MEAF6: variants seen among roughly 807,000 people sequenced by gnomAD.
MEAF6 encodes chromatin modification-related protein MEAF6.
Under a neutral mutation model 28.9 loss-of-function variants are expected in MEAF6, and 15 were observed. The observed-to-expected ratio is 0.52, with a 90% CI of 0.35 to 0.80. The LOEUF (loss-of-function observed/expected upper bound fraction) is 0.80. MEAF6 is among the 30% of genes least tolerant of loss of function. The probability of loss-of-function intolerance (pLI) is 0.01; values close to 1 mark genes in which losing one functional copy is unlikely to be tolerated. For missense variants in MEAF6, 178 were observed against 237.5 expected (o/e 0.75, Z 1.65); for synonymous variants, 97 against 88.7 (o/e 1.09, Z -0.53).
Position 37,490,958 on chromosome 1 carries a change from C to T in MEAF6, c.*3141G>A, listed in dbSNP as rs1048417675. ...GGAATAATTGCTTGAACCCTGGAGG[C>T]GGAGGTAGCAGTGAGCCAAGATTGT... On this transcript the variant is annotated 3_prime_UTR_variant, in exon 7 of 7. Coordinates refer to ENST00000296214, the MANE Select transcript of MEAF6 (RefSeq NM_001270875.3). 3.3e-5 allele frequency among the ~76,000 whole-genome samples: 5 copies of T among 152,042 alleles called. No homozygotes were observed. Among genetic ancestry groups the T allele is most frequent in the Admixed American group, 2.0e-4 (3 of 15,256 alleles).
At chr1:37,494,380 T>G (rs1642042277) in intron 6 of MEAF6, among the ~76,000 whole-genome samples, 1 of 151,212 alleles carries the variant, frequency 6.6e-6, no homozygotes, top group Non-Finnish European at 1.5e-5. Context: ...CCAGACATGG[T>G]GGTGGGCACC....
chr1:37,512,034 A>C (rs1569991100), intron 2 of MEAF6, among the ~76,000 whole-genome samples: 2 of 152,366 alleles, frequency 1.3e-5, no homozygotes, highest in Admixed American at 1.3e-4. Flanking sequence ...ATTTAGGTGC[A>C]AAGTGTCATT....
In MEAF6 at chr1:37,500,271, G is replaced by A. The variant is rs186883609; in HGVS notation, c.533+1533C>T. Reference sequence around the variant, plus strand: ...GATCGTGCCACTGCACTCCAGCCTGGGTGACAGAGCAAGACTGTCTGAAAA... The same window carrying A: ...GATCGTGCCACTGCACTCCAGCCTGAGTGACAGAGCAAGACTGTCTGAAAA... On this transcript the variant is annotated intron_variant, in intron 5 of 6. Transcript: ENST00000296214. 5.2e-3 allele frequency among the ~76,000 whole-genome samples: 711 copies of A among 137,632 alleles called. 4 individuals are homozygous for A. The highest frequency in any genetic ancestry group is 0.017 in the African/African-American group (665 of 39,086). The allele number at this position is 137,632 out of a possible 152,430, so 90.3% of individuals were successfully genotyped here.
chr1:37,508,492 T>C (rs1258896652), intron 4 of MEAF6, among the ~76,000 whole-genome samples: 1 of 152,050 alleles, frequency 6.6e-6, no homozygotes, highest in Non-Finnish European at 1.5e-5. Flanking sequence ...TTGACTAGGC[T>C]GGTCTTGAAC....
At chr1:37,502,079 T>TAG in intron 4 of MEAF6, 83 bp from the exon 5 acceptor site, 2 of 1,201,474 alleles carry the variant, frequency 1.7e-6, no homozygotes, top group Non-Finnish European at 1.1e-6. Flanking sequence ...CACTAATAGG[T>TAG]AGAAAAAAAC....
At chr1:37,500,387 T>A (rs1018902991) in intron 5 of MEAF6, among the ~76,000 whole-genome samples, 19 of 152,288 alleles carry the variant, frequency 1.2e-4, no homozygotes, top group Admixed American at 7.2e-4. Context: ...ATTAAAAAAA[T>A]TTTTAAGAAT....
chr1:37,507,570 A>C (rs996173199), intron 4 of MEAF6, among the ~76,000 whole-genome samples: 1 of 152,198 alleles, frequency 6.6e-6, no homozygotes, highest in Non-Finnish European at 1.5e-5. Context: ...GTTCTGAATA[A>C]GGGAGAAGTG....
intron 5 of MEAF6, among the ~76,000 whole-genome samples, chr1:37,498,413 TTATTA>T (rs1557605381): frequency 4.2e-5 from 2 of 47,558 alleles, no homozygotes; most frequent in Admixed American, 1.6e-4. Context: ...TTATTTTTTA[TTATTA>T]TTATTATTAT....
At chr1:37,505,820 A>C (rs1281921938) in intron 4 of MEAF6, among the ~76,000 whole-genome samples, 2 of 152,248 alleles carry the variant, frequency 1.3e-5, no homozygotes, top group African/African-American at 4.8e-5. Context: ...AAGGGTGACA[A>C]GACAATTCAA....
intron 6 of MEAF6, among the ~76,000 whole-genome samples, chr1:37,495,058 G>C (rs1642070809): frequency 6.6e-6 from 1 of 151,938 alleles, no homozygotes; most frequent in Non-Finnish European, 1.5e-5. Context: ...TGACCGGCCG[G>C]GTGCGGTGGC....
chr1:37,513,146 T>C (rs1419180673), intron 2 of MEAF6, among the ~76,000 whole-genome samples: 1 of 152,100 alleles, frequency 6.6e-6, no homozygotes, highest in African/African-American at 2.4e-5. Flanking sequence ...CTGATTAAAA[T>C]GTGTAAAAAA....
intron 2 of MEAF6, among the ~76,000 whole-genome samples, chr1:37,511,746 G>A (rs1001432286): frequency 8.5e-5 from 13 of 152,082 alleles, no homozygotes; most frequent in East Asian, 3.8e-4. Flanking sequence ...AAAATCTCAG[G>A]AAACTGCAAC....
At position 37,509,468 on chromosome 1, in the gene MEAF6, A is replaced by AC; in HGVS notation, c.280dup (p.Val94GlyfsTer19). The stretch of plus-strand genomic sequence containing the variant: ...ACCACTACTTACAGCTGCTGAGGTA[A>AC]CCGAGGATTTACTGAAGAGCCGCTC... On this transcript the variant is annotated frameshift_variant, in exon 3 of 7. Coordinates refer to ENST00000296214, the MANE Select transcript of MEAF6 (RefSeq NM_001270875.3). LOFTEE classifies it high-confidence loss of function. 6.2e-7 allele frequency: 1 copy of AC among 1,614,060 alleles called. No individual in the cohort carries two copies. Among genetic ancestry groups the AC allele is most frequent in the Non-Finnish European group, 8.5e-7 (1 of 1,179,980 alleles).
Position 37,509,611 on chromosome 1 carries a change from G to A in MEAF6, c.207-69C>T, listed in dbSNP as rs1642598388. The A allele has an allele frequency of 5.1e-6, 7 of 1,367,914 alleles. No homozygotes were observed. The Admixed American group carries it at 1.3e-4, about 26-fold the overall frequency. The allele number at this position is 1,367,914 out of a possible 1,614,324, so 84.7% of individuals were successfully genotyped here. ...ATGGCTCAAGCTGGGGATGCCCCAG[G>A]ACTCATGTTCCATGCAGGAAGCTTC... On this transcript the variant is annotated intron_variant, in intron 2 of 6. Coordinates refer to ENST00000296214, the MANE Select transcript of MEAF6 (RefSeq NM_001270875.3).
At chr1:37,500,926 C>G (rs1642280561) in intron 5 of MEAF6, 1 of 154,094 alleles carries the variant, frequency 6.5e-6, no homozygotes, top group African/African-American at 2.4e-5. Context: ...GAACTCTTAC[C>G]CTGGCTTCGG....
chr1:37,508,777 G>A (rs919300052), intron 4 of MEAF6, among the ~76,000 whole-genome samples: 5 of 152,156 alleles, frequency 3.3e-5, no homozygotes, highest in Admixed American at 1.3e-4. Flanking sequence ...GGCAAGAAGA[G>A]TACAGTAATT....
chr1:37,498,395 T>C (rs933806927), intron 5 of MEAF6, among the ~76,000 whole-genome samples: 1 of 147,208 alleles, frequency 6.8e-6, no homozygotes, highest in Non-Finnish European at 1.5e-5. Context: ...CTTATAAGAG[T>C]AGCTATGTTA....
In MEAF6 at chr1:37,492,249, C is replaced by T. The variant is rs1333694257; in HGVS notation, c.*1850G>A. Among the ~76,000 whole-genome samples the T allele has an allele frequency of 1.3e-5, 2 of 151,946 alleles. No individual in the cohort carries two copies. The highest frequency in any genetic ancestry group is 2.9e-5 in the Non-Finnish European group (2 of 67,990). On this transcript the variant is annotated 3_prime_UTR_variant, in exon 7 of 7. Transcript: ENST00000296214. ...TTCACTGTGTTCGCCAGGATGGTCT[C>T]GATCTCCTGACCTCGTGATCCGCCC...
intron 2 of MEAF6, 135 bp from the exon 3 acceptor site, chr1:37,509,677 A>G: frequency 1.5e-6 from 1 of 671,618 alleles, no homozygotes; most frequent in Non-Finnish European, 2.6e-6. Context: ...TATGCTGAAC[A>G]CAGAAAGCAA....
Sources: allele counts gnomAD v4.1 joint callset (sites outside exome capture counted in the v4.1 genomes callset), GRCh38; gene constraint gnomAD v4.1.1; transcripts MANE v1.5; gene names NCBI Gene and HGNC (gene_info 2026-07-23, HGNC 2026-07-21).